The following KLHL29 variants were observed in gnomAD, a reference collection of about 807,000 sequenced individuals.
KLHL29 encodes the protein kelch-like protein 29.
KLHL29 carries 21 observed loss-of-function variants against 80.4 expected under a neutral mutation model. That is an observed-to-expected ratio of 0.26 (90% CI 0.19 to 0.38). The LOEUF is 0.38. Ranked by LOEUF, KLHL29 falls within the 10% of genes least tolerant of loss-of-function variation. The pLI, the probability that KLHL29 is intolerant of heterozygous loss-of-function variation, is 1.00. For missense variants in KLHL29, 867 were observed against 1,223.9 expected (o/e 0.71, Z 4.35); for synonymous variants, 511 against 526.8 (o/e 0.97, Z 0.41).
intron 1 of KLHL29, among the ~76,000 whole-genome samples, chr2:23,470,014 CAA>C (rs11317777): frequency 1.2e-4 from 15 of 128,480 alleles, no homozygotes; most frequent in Non-Finnish European, 1.2e-4. Flanking sequence ...TGCTGTGTAT[CAA>C]AAAAAAAAAA....
At chr2:23,613,242 G>T (rs771016392) in intron 3 of KLHL29, among the ~76,000 whole-genome samples, 1 of 152,108 alleles carries the variant, frequency 6.6e-6, no homozygotes, top group Non-Finnish European at 1.5e-5. Context: ...TACATCAAAT[G>T]TATATGCTCT....
chr2:23,678,560 T>C (rs1268928718), intron 5 of KLHL29, among the ~76,000 whole-genome samples: 2 of 152,164 alleles, frequency 1.3e-5, no homozygotes, highest in African/African-American at 2.4e-5. Flanking sequence ...AGGCCTGACC[T>C]AGATCTGCTG....
intron 1 of KLHL29, among the ~76,000 whole-genome samples, chr2:23,394,237 G>C (rs1666393506): frequency 6.6e-6 from 1 of 152,186 alleles, no homozygotes; most frequent in African/African-American, 2.4e-5. Context: ...ACGTCTTCCA[G>C]CTTTAAGCAT....
chr2:23,463,175 A>G (rs917552457), intron 1 of KLHL29, among the ~76,000 whole-genome samples: 4 of 150,386 alleles, frequency 2.7e-5, no homozygotes, highest in African/African-American at 9.8e-5. Flanking sequence ...TGTGAGGATT[A>G]GACCTTCCCT....
chr2:23,494,476 C>T (rs950245533), intron 2 of KLHL29, among the ~76,000 whole-genome samples: 1 of 152,176 alleles, frequency 6.6e-6, no homozygotes, highest in Non-Finnish European at 1.5e-5. Flanking sequence ...CAGGCCTGAG[C>T]ATCTTTTTCA....
intron 5 of KLHL29, among the ~76,000 whole-genome samples, chr2:23,670,860 G>A (rs374485756): frequency 6.7e-6 from 1 of 149,392 alleles, no homozygotes; most frequent in East Asian, 2.0e-4. Flanking sequence ...CCTCCTGGAA[G>A]ACCATGAAGG....
intron 2 of KLHL29, among the ~76,000 whole-genome samples, chr2:23,510,512 C>T (rs1364731424): frequency 6.6e-6 from 1 of 152,206 alleles, no homozygotes; most frequent in Non-Finnish European, 1.5e-5. Context: ...TCTGTCCATC[C>T]CTTAAACACA....
chr2:23,672,383 C>T (rs1670790367), intron 5 of KLHL29: 1 of 152,422 alleles, frequency 6.6e-6, no homozygotes, highest in African/African-American at 2.4e-5. Context: ...GTGGTTTCCT[C>T]TTCATGGTCC....
rs550576439 is a variant in KLHL29, at chr2:23,385,448, A to AGCCGCCGCC, written c.-473_-465dup. On this transcript the variant is annotated 5_prime_UTR_variant, in exon 1 of 14. Transcript: ENST00000486442. ...GAGAGGGCGGGGGCGATGCTGCCGG[A>AGCCGCCGCC]GCCGCCGCCGCCGCCGCCGCCTCGA... 3.7e-5 allele frequency: 6 copies of AGCCGCCGCC among 161,610 alleles called. No homozygotes were observed. The highest frequency in any genetic ancestry group is 1.8e-4 in the South Asian group (1 of 5,620). The allele number at this position is 161,610 out of a possible 1,614,324, so 10.0% of individuals were successfully genotyped here. A position where few individuals can be genotyped will look rare whatever the true frequency, so the allele number is the denominator to read the frequency against.
chr2:23,667,276 A>G (rs1272801003), intron 5 of KLHL29: 1 of 152,156 alleles, frequency 6.6e-6, no homozygotes, highest in Non-Finnish European at 1.5e-5. Context: ...TCGTTCCTTA[A>G]TTTTATTTTT....
intron 2 of KLHL29, among the ~76,000 whole-genome samples, chr2:23,504,767 G>T (rs1665552001): frequency 6.6e-6 from 1 of 152,244 alleles, no homozygotes; most frequent in South Asian, 2.1e-4. Context: ...GCATGTGCCG[G>T]GCACAAGCCA....
rs1046383355 is a variant in KLHL29, at chr2:23,596,056, A to G, written c.285+33575A>G. Reference sequence around the variant, plus strand: ...TGGCATTGGGTCCACATTTGCTGCCAGCATAGCCTCTGGAATGCACGGCCT... The same window carrying G: ...TGGCATTGGGTCCACATTTGCTGCCGGCATAGCCTCTGGAATGCACGGCCT... On this transcript the variant is annotated intron_variant, in intron 3 of 13. Transcript: ENST00000486442. This position sits in a 1 kb window ranked among gnomAD's most constrained non-coding sequence, Gnocchi z 4.4. 2.0e-4 allele frequency among the ~76,000 whole-genome samples: 30 copies of G among 152,200 alleles called. No individual in the cohort carries two copies. The highest frequency in any genetic ancestry group is 7.0e-4 in the African/African-American group (29 of 41,456).
chr2:23,555,371 G>A (rs931992719), intron 2 of KLHL29, among the ~76,000 whole-genome samples: 1 of 152,194 alleles, frequency 6.6e-6, no homozygotes, highest in Non-Finnish European at 1.5e-5. Flanking sequence ...CAGGGGCTGA[G>A]GCTACTTTGT....
In KLHL29 at chr2:23,414,998, T is replaced by C. The variant is rs561128761; in HGVS notation, c.-154+29218T>C. The stretch of plus-strand genomic sequence containing the variant: ...TGGAGAACCAGGCTCAGAGGCCACA[T>C]GGCCAGGAATGACAACAGTCATACC... On this transcript the variant is annotated intron_variant, in intron 1 of 13. Coordinates refer to ENST00000486442, the MANE Select transcript of KLHL29 (RefSeq NM_052920.2). Among the ~76,000 whole-genome samples the C allele has an allele frequency of 3.9e-5, 6 of 152,350 alleles. No individual in the cohort carries two copies. In the East Asian group the frequency reaches 1.2e-3, roughly 29 times the overall value.
At chr2:23,654,540 G>GTAGTAA in intron 5 of KLHL29, among the ~76,000 whole-genome samples, 1 of 152,276 alleles carries the variant, frequency 6.6e-6, no homozygotes, top group East Asian at 1.9e-4. Flanking sequence ...ATGTGGATGT[G>GTAGTAA]TGGCCTCCCC....
chr2:23,675,997 A>G (rs775957813), intron 5 of KLHL29, among the ~76,000 whole-genome samples: 11 of 152,278 alleles, frequency 7.2e-5, no homozygotes, highest in Middle Eastern at 6.8e-3. Flanking sequence ...GGTGCTCAGG[A>G]GGCCAGAGAG....
At chr2:23,550,703 A>C (rs996554542) in intron 2 of KLHL29, among the ~76,000 whole-genome samples, 1 of 152,232 alleles carries the variant, frequency 6.6e-6, no homozygotes, top group African/African-American at 2.4e-5. Context: ...AGCAAATTGC[A>C]AGAGCATTTT....
At chr2:23,452,420 C>T (rs1310027926) in intron 1 of KLHL29, among the ~76,000 whole-genome samples, 5 of 152,038 alleles carry the variant, frequency 3.3e-5, no homozygotes, top group Admixed American at 3.3e-4. Flanking sequence ...TCCAATGCCT[C>T]CCACCAAGCC....
intron 2 of KLHL29, among the ~76,000 whole-genome samples, chr2:23,532,963 G>T (rs556340957): frequency 1.3e-5 from 2 of 152,126 alleles, no homozygotes; most frequent in African/African-American, 2.4e-5. Flanking sequence ...CCTGGGGGCC[G>T]AGGGGAGGGT....
Sources: gnomAD v4.1 joint callset for allele counts (sites outside exome capture counted in the v4.1 genomes callset) on GRCh38, gnomAD v4.1.1 for gene constraint, Gnocchi (gnomAD v3.1) non-coding constraint, MANE v1.5 for transcripts, NCBI Gene and HGNC (gene_info 2026-07-23, HGNC 2026-07-21) for gene names.